The following UNC13B variants were observed in gnomAD, a reference collection of about 807,000 sequenced individuals.
UNC13B encodes the protein protein unc-13 homolog B.
In UNC13B, 144 loss-of-function variants were observed where a neutral mutation model predicts 211.0. That is an observed-to-expected ratio of 0.68 (90% CI 0.60 to 0.78). UNC13B has a LOEUF of 0.78. Among genes scored for constraint, UNC13B ranks in the 30% least tolerant of loss-of-function variants. UNC13B has a pLI of 0.00. For missense variants in UNC13B, 1,777 were observed against 2,002.0 expected (o/e 0.89, Z 2.14); for synonymous variants, 709 against 725.8 (o/e 0.98, Z 0.37).
intron 6 of UNC13B, among the ~76,000 whole-genome samples, chr9:35,257,371 A>AAAAATATTTATAT (rs1554692901): frequency 8.4e-3 from 31 of 3,684 alleles, no homozygotes; most frequent in Non-Finnish European, 0.013. Flanking sequence ...AAATATTTAT[A>AAAAATATTTATAT]AAATATTTAT....
chr9:35,403,453 T>C lies in UNC13B; in HGVS notation c.12591T>C (p.Asn4197=). The C allele has an allele frequency of 6.2e-7, 1 of 1,613,694 alleles. No individual in the cohort carries two copies. Among genetic ancestry groups the C allele is most frequent in the South Asian group, 1.1e-5 (1 of 91,056 alleles). The part of the protein sequence containing the change: ...HKVTVKVVAA[N]DLKWQTAGMF... ...TTGTTTGGGCAGTGGTGGCTGCCAATGACCTCAAGTGGCAGACAGCGGGTA... is the reference window on the plus strand; with the variant it reads ...TTGTTTGGGCAGTGGTGGCTGCCAACGACCTCAAGTGGCAGACAGCGGGTA... Residue 4197 remains asparagine, a synonymous_variant, in exon 39 of 40, where the codon AAT becomes AAC. Coordinates refer to ENST00000635942, the MANE Select transcript of UNC13B (RefSeq NM_001371189.2).
chr9:35,289,371 C>A (rs189110712), intron 7 of UNC13B, among the ~76,000 whole-genome samples: 6 of 152,224 alleles, frequency 3.9e-5, no homozygotes, highest in Admixed American at 3.9e-4. Context: ...CCTTAGCAGA[C>A]CTTGGGACTG....
intron 3 of UNC13B, among the ~76,000 whole-genome samples, chr9:35,231,988 G>C (rs552915972): frequency 2.0e-5 from 3 of 151,824 alleles, no homozygotes; most frequent in Admixed American, 2.0e-4. Flanking sequence ...GATTATGCTT[G>C]TTTTTTCTGG....
chr9:35,311,206 A>G (rs1185719667), intron 10 of UNC13B, among the ~76,000 whole-genome samples: 1 of 152,186 alleles, frequency 6.6e-6, no homozygotes, highest in Non-Finnish European at 1.5e-5. Flanking sequence ...TCCTGAGCTC[A>G]AGCAATCCAC....
chr9:35,333,967 T>A (rs113507222), intron 11 of UNC13B, among the ~76,000 whole-genome samples: 1 of 151,696 alleles, frequency 6.6e-6, no homozygotes, highest in African/African-American at 2.4e-5. Context: ...TTTGTTTGTT[T>A]TTTTTTTTGT....
intron 5 of UNC13B, among the ~76,000 whole-genome samples, chr9:35,242,586 A>G (rs1167190756): frequency 1.3e-5 from 2 of 152,178 alleles, no homozygotes; most frequent in Non-Finnish European, 2.9e-5. Context: ...AATGTCCTCA[A>G]AGTTTATCCA....
At chr9:35,209,714 T>C (rs534376829) in intron 1 of UNC13B, among the ~76,000 whole-genome samples, 1 of 152,294 alleles carries the variant, frequency 6.6e-6, no homozygotes, top group East Asian at 1.9e-4. Context: ...AATGATATAG[T>C]TCTATACATT....
intron 3 of UNC13B, among the ~76,000 whole-genome samples, chr9:35,231,873 C>G (rs117859919): frequency 4.0e-5 from 6 of 151,584 alleles, no homozygotes; most frequent in Admixed American, 6.6e-5. Flanking sequence ...TGTTCCTGTT[C>G]TACAAAAGGG....
chr9:35,351,463 A>G (rs1832715545), intron 11 of UNC13B: 1 of 1,231,712 alleles, frequency 8.1e-7, no homozygotes, highest in Non-Finnish European at 1.0e-6. Flanking sequence ...GGTAATCTCT[A>G]TTAAGCATCC....
In UNC13B at chr9:35,398,629, G is replaced by T; in HGVS notation, c.11908G>T (p.Val3970Leu). The change falls in exon 32 of 40, where the codon GTG becomes TTG. Residue 3970 changes from valine to leucine, a missense_variant. Transcript: ENST00000635942. ...LNTVLDELSM[V>L]FGNSFQVRID... Reference sequence around the variant, plus strand: ...TACGGTTCTGGATGAGCTCAGCATGGTGTTTGGAAACAGGTCAGTGACCCC... The same window carrying T: ...TACGGTTCTGGATGAGCTCAGCATGTTGTTTGGAAACAGGTCAGTGACCCC... 6.2e-7 allele frequency: 1 copy of T among 1,613,998 alleles called. No homozygotes were observed. Among genetic ancestry groups the T allele is most frequent in the African/African-American group, 1.3e-5 (1 of 75,010 alleles).
At chr9:35,291,015 C>T (rs1829072003) in intron 7 of UNC13B, 3 of 1,528,128 alleles carry the variant, frequency 2.0e-6, no homozygotes, top group Non-Finnish European at 2.7e-6. Context: ...CTTTTGAATT[C>T]CTTCAAAAAA....
chr9:35,238,935 A>G (rs934826576), intron 5 of UNC13B, among the ~76,000 whole-genome samples: 3 of 148,032 alleles, frequency 2.0e-5, no homozygotes, highest in Non-Finnish European at 3.0e-5. Flanking sequence ...GATGTTATAT[A>G]CCGCAAACTA....
chr9:35,334,651 TCTTGAGGTCAAGAA>T (rs1327152300), intron 11 of UNC13B, among the ~76,000 whole-genome samples: 1 of 152,238 alleles, frequency 6.6e-6, no homozygotes, highest in East Asian at 1.9e-4. Context: ...GCTAGATTGC[TCTTGAGGTCAAGAA>T]CTGATCACCA....
At chr9:35,350,067 A>G (rs1466306538) in intron 11 of UNC13B, among the ~76,000 whole-genome samples, 4 of 152,192 alleles carry the variant, frequency 2.6e-5, no homozygotes, top group Non-Finnish European at 5.9e-5. Flanking sequence ...TACCCCTCCC[A>G]GGAGACCTAG....
chr9:35,228,944 A>G (rs1825037015), intron 2 of UNC13B, among the ~76,000 whole-genome samples: 1 of 152,126 alleles, frequency 6.6e-6, no homozygotes, highest in Non-Finnish European at 1.5e-5. Context: ...TACTAGATTC[A>G]GAAGTAGAAT....
intron 1 of UNC13B, among the ~76,000 whole-genome samples, chr9:35,206,472 A>G (rs538801663): frequency 6.6e-6 from 1 of 152,198 alleles, no homozygotes; most frequent in Admixed American, 6.5e-5. Flanking sequence ...GGTATCATAT[A>G]ATTTATGGTC....
chr9:35,230,743 A>G (rs1292209215), intron 2 of UNC13B, among the ~76,000 whole-genome samples: 3 of 152,152 alleles, frequency 2.0e-5, no homozygotes, highest in Admixed American at 1.3e-4. Flanking sequence ...TGGGCTATAT[A>G]ATTAACATAG....
In UNC13B at chr9:35,382,458, C is replaced by A; in HGVS notation, c.10757C>A (p.Ala3586Asp). 6.2e-7 allele frequency: 1 copy of A among 1,614,176 alleles called. No individual in the cohort carries two copies. Residue 3586 changes from alanine to aspartate, a missense_variant, in exon 21 of 40, where the codon GCC becomes GAC. Coordinates refer to ENST00000635942, the MANE Select transcript of UNC13B (RefSeq NM_001371189.2). ...NINAYYAHTT[A>D]STNVSASDRF... ...AACGCCTACTATGCCCACACAACTG[C>A]CTCTACCAATGTCTCTGCATCTGAT... is the stretch of plus-strand genomic sequence containing the variant.
intron 7 of UNC13B, among the ~76,000 whole-genome samples, chr9:35,259,995 A>AGTCT (rs2131630551): frequency 7.8e-6 from 1 of 128,698 alleles, no homozygotes; most frequent in African/African-American, 2.9e-5. Context: ...TGAGCCCAGG[A>AGTCT]GTCTGAGACC....
Sources: allele counts gnomAD v4.1 joint callset (sites outside exome capture counted in the v4.1 genomes callset), GRCh38; gene constraint gnomAD v4.1.1; transcripts MANE v1.5; gene names NCBI Gene and HGNC (gene_info 2026-07-23, HGNC 2026-07-21).